Variants in PTPRE observed in about 807,000 individuals in gnomAD.
PTPRE encodes receptor-type tyrosine-protein phosphatase epsilon.
PTPRE carries 51 observed loss-of-function variants against 102.0 expected under a neutral mutation model. The observed-to-expected ratio is 0.50, with a 90% confidence interval of 0.40 to 0.63. The LOEUF (loss-of-function observed/expected upper bound fraction) is 0.63. Ranked by LOEUF, PTPRE falls within the 30% of genes least tolerant of loss-of-function variation. The pLI is 0.00. For missense variants in PTPRE, 752 were observed against 915.1 expected (o/e 0.82, Z 2.30); for synonymous variants, 345 against 348.2 (o/e 0.99, Z 0.10).
intron 2 of PTPRE, among the ~76,000 whole-genome samples, chr10:128,027,641 T>C (rs7921763): frequency 0.51 from 77,719 of 152,062 alleles, 20,271 homozygotes; most frequent in East Asian, 0.58. Flanking sequence ...AAGAGTGGGC[T>C]ATGGAGCCTT....
intron 1 of PTPRE, among the ~76,000 whole-genome samples, chr10:127,920,177 G>A (rs934702668): frequency 3.3e-5 from 5 of 152,194 alleles, no homozygotes; most frequent in Non-Finnish European, 5.9e-5. Flanking sequence ...GAAAGTGCGT[G>A]GAGCCTGGGA....
In PTPRE at chr10:127,987,962, A is replaced by G. The variant is rs1244730442; in HGVS notation, c.-8+5666A>G. 1.3e-5 allele frequency among the ~76,000 whole-genome samples: 2 copies of G among 152,218 alleles called. 1 individual carries two copies. Among genetic ancestry groups the G allele is most frequent in the African/African-American group, 4.8e-5 (2 of 41,446 alleles). ...GGCCAGGGCCGGCACTCTGTGTGTA[A>G]GGGTTTCCTGCCTGTGCAGTTCATG... On this transcript the variant is annotated intron_variant, in intron 2 of 20. Transcript: ENST00000254667.
intron 1 of PTPRE, among the ~76,000 whole-genome samples, chr10:127,961,846 G>T (rs1260424277): frequency 6.6e-6 from 1 of 152,164 alleles, no homozygotes; most frequent in Non-Finnish European, 1.5e-5. Context: ...GCCAGGACTA[G>T]CCGGGCCGGG....
At chr10:127,989,674 G>A (rs141598684) in intron 2 of PTPRE, among the ~76,000 whole-genome samples, 14 of 152,318 alleles carry the variant, frequency 9.2e-5, no homozygotes, top group African/African-American at 1.2e-4. Context: ...AAACTTTTCC[G>A]TTATGAAAAA....
At chr10:127,930,933 C>T (rs756902408) in intron 1 of PTPRE, among the ~76,000 whole-genome samples, 8 of 151,880 alleles carry the variant, frequency 5.3e-5, no homozygotes, top group South Asian at 2.1e-4. Context: ...GCTGGGATTA[C>T]GAGCGCGTGC....
At chr10:127,973,250 C>T (rs963105928) in intron 1 of PTPRE, among the ~76,000 whole-genome samples, 4 of 152,138 alleles carry the variant, frequency 2.6e-5, no homozygotes, top group African/African-American at 7.2e-5. Context: ...CTCAGCAATG[C>T]GTATCAAGCC....
At chr10:128,000,457 C>T (rs889442352) in intron 2 of PTPRE, among the ~76,000 whole-genome samples, 3 of 152,066 alleles carry the variant, frequency 2.0e-5, no homozygotes, top group Admixed American at 2.0e-4. Flanking sequence ...TCTCTAGCTG[C>T]GTTTCTTTTC....
chr10:128,043,453 G>A (rs190791486), intron 3 of PTPRE, among the ~76,000 whole-genome samples: 23 of 152,306 alleles, frequency 1.5e-4, no homozygotes, highest in Admixed American at 1.1e-3. Context: ...GCGCTCAGGC[G>A]ATAATGCCTG....
intron 1 of PTPRE, among the ~76,000 whole-genome samples, chr10:127,977,964 C>T (rs538248326): frequency 2.0e-4 from 31 of 152,210 alleles, no homozygotes; most frequent in Non-Finnish European, 4.6e-4. Flanking sequence ...AGCTCCAACT[C>T]TGTGGCCAGG....
chr10:128,003,892 C>T (rs529342109), intron 2 of PTPRE, among the ~76,000 whole-genome samples: 1 of 152,114 alleles, frequency 6.6e-6, no homozygotes, highest in South Asian at 2.1e-4. Flanking sequence ...CATTCGGATG[C>T]TCCCATTTAT....
At chr10:128,072,453 A>C in intron 16 of PTPRE, 1 of 392,040 alleles carries the variant, frequency 2.6e-6, no homozygotes, top group Non-Finnish European at 4.6e-6. Context: ...AGGAGTTTGA[A>C]ACTAGCCTGG....
At chr10:127,999,042 G>A (rs1189448500) in intron 2 of PTPRE, 1 of 152,144 alleles carries the variant, frequency 6.6e-6, no homozygotes, top group Non-Finnish European at 1.5e-5. Flanking sequence ...CATCGTGCCT[G>A]AAATAGCATT....
intron 17 of PTPRE, among the ~76,000 whole-genome samples, chr10:128,074,623 C>T (rs559592222): frequency 7.9e-5 from 12 of 151,558 alleles, no homozygotes; most frequent in East Asian, 1.9e-4. Context: ...GCTGAGATCG[C>T]GCCATTGCAC....
chr10:127,920,388 G>C (rs116401637), intron 1 of PTPRE, among the ~76,000 whole-genome samples: 1 of 152,184 alleles, frequency 6.6e-6, no homozygotes, highest in African/African-American at 2.4e-5. Context: ...CCCAGCCAGG[G>C]TACCAGTTCC....
chr10:128,020,454 A>T (rs1423252182), intron 2 of PTPRE, among the ~76,000 whole-genome samples: 1 of 152,244 alleles, frequency 6.6e-6, no homozygotes, highest in African/African-American at 2.4e-5. Context: ...CTGTTTAAGG[A>T]TATTTCAACA....
intron 1 of PTPRE, among the ~76,000 whole-genome samples, chr10:127,977,678 A>G (rs1851282720): frequency 1.3e-5 from 2 of 152,210 alleles, no homozygotes; most frequent in South Asian, 2.1e-4. Context: ...TCTTCTTTGC[A>G]AGGTTAGGAT....
chr10:127,935,461 G>C (rs745371340), intron 1 of PTPRE, among the ~76,000 whole-genome samples: 8 of 152,116 alleles, frequency 5.3e-5, no homozygotes, highest in Non-Finnish European at 8.8e-5. Flanking sequence ...GATGTCCACT[G>C]TGTCTCCATG....
intron 1 of PTPRE, among the ~76,000 whole-genome samples, chr10:127,946,820 G>T (rs894611434): frequency 1.2e-4 from 19 of 152,254 alleles, no homozygotes; most frequent in Admixed American, 1.2e-3. Context: ...GATCACTTGA[G>T]CCCAGGAGTT....
Position 127,907,934 on chromosome 10 carries a change from C to G in PTPRE, c.-31+625C>G, listed in dbSNP as rs1334137447. ...GCTGGACTGCCGCGATTTGCAGGGT[C>G]GACGACCTCACAGGGCTCCTGAGCA... On this transcript the variant is annotated intron_variant, in intron 1 of 20. Coordinates refer to ENST00000254667, the MANE Select transcript of PTPRE (RefSeq NM_006504.6). The surrounding 1 kb of genome is among the most constrained non-coding windows in gnomAD (Gnocchi z 4.8). 2.0e-5 allele frequency among the ~76,000 whole-genome samples: 3 copies of G among 152,124 alleles called. No individual in the cohort carries two copies. Among genetic ancestry groups the G allele is most frequent in the Admixed American group, 2.0e-4 (3 of 15,278 alleles).
Sources: gnomAD v4.1 joint callset for allele counts (sites outside exome capture counted in the v4.1 genomes callset) on GRCh38, gnomAD v4.1.1 for gene constraint, Gnocchi (gnomAD v3.1) non-coding constraint, MANE v1.5 for transcripts, NCBI Gene and HGNC (gene_info 2026-07-23, HGNC 2026-07-21) for gene names.